ACACB: variants seen among roughly 807,000 people sequenced by gnomAD.
ACACB encodes the protein acetyl-CoA carboxylase beta.
Under a neutral mutation model 278.8 loss-of-function variants are expected in ACACB, and 209 were observed. The ratio of observed to expected loss-of-function variants is 0.75; its 90% confidence interval spans 0.67 to 0.84. The LOEUF (loss-of-function observed/expected upper bound fraction) is 0.84, where lower values mean the gene tolerates loss of function less well. Ranked by LOEUF, ACACB falls within the 40% of genes least tolerant of loss-of-function variation. The probability of loss-of-function intolerance (pLI) is 0.00; values close to 1 mark genes in which losing one functional copy is unlikely to be tolerated. For synonymous variants in ACACB, 1,174 were observed against 1,285.6 expected (o/e 0.91, Z 1.86); for missense variants, 2,850 against 3,269.0 (o/e 0.87, Z 3.13).
chr12:109,218,135 A>G (rs1418925878), intron 24 of ACACB, among the ~76,000 whole-genome samples: 2 of 152,200 alleles, frequency 1.3e-5, no homozygotes, highest in Non-Finnish European at 2.9e-5. Flanking sequence ...CTGTGTGTGG[A>G]GAAGAAGAAA....
chr12:109,113,044 C>T (rs1470122361), upstream of ACACB: 1 of 152,094 alleles, frequency 6.6e-6, no homozygotes, highest in African/African-American at 2.4e-5. Context: ...TCATGTGTCA[C>T]GAAATCTTTT....
At chr12:109,207,960 G>A (rs2045570491) in intron 20 of ACACB, among the ~76,000 whole-genome samples, 1 of 151,892 alleles carries the variant, frequency 6.6e-6, no homozygotes, top group Non-Finnish European at 1.5e-5. Flanking sequence ...GATTACAGGC[G>A]TGAGCCACCG....
At chr12:109,209,871 A>G (rs1273913135) in intron 21 of ACACB, among the ~76,000 whole-genome samples, 4 of 136,526 alleles carry the variant, frequency 2.9e-5, no homozygotes, top group Non-Finnish European at 6.4e-5. Context: ...ATACACACAT[A>G]CACACACGTG....
chr12:109,244,363 T>C (rs115600054), intron 37 of ACACB, among the ~76,000 whole-genome samples: 1,990 of 152,220 alleles, frequency 0.013, 52 homozygotes, highest in African/African-American at 0.046. Flanking sequence ...TTCCTTCACC[T>C]CTCTGGGCCT....
rs1001036114 is a variant in ACACB, at chr12:109,146,020, T to C, written c.653+5962T>C. On this transcript the variant is annotated intron_variant, in intron 2 of 52. Transcript: ENST00000338432. The stretch of plus-strand genomic sequence containing the variant: ...TGAGACTCTGACTCGAAAAAAAAAT[T>C]ATTATTATTTTTTCTTGATAAGTTG... Among the ~76,000 whole-genome samples, 207 of 147,996 alleles carry C rather than the reference T, an allele frequency of 1.4e-3. 1 individual carries two copies. Among genetic ancestry groups the C allele is most frequent in the Non-Finnish European group, 2.9e-4 (20 of 67,940 alleles).
chr12:109,195,460 T>C (rs1050456704), intron 16 of ACACB, among the ~76,000 whole-genome samples: 3 of 152,194 alleles, frequency 2.0e-5, no homozygotes, highest in African/African-American at 7.2e-5. Flanking sequence ...TGGCTACCTT[T>C]GGGGACCTAG....
At chr12:109,172,444 T>A in intron 6 of ACACB, 88 bp downstream of exon 6, 1 of 1,257,918 alleles carries the variant, frequency 7.9e-7, no homozygotes, top group Non-Finnish European at 1.1e-6. Flanking sequence ...TCCTGTCCTG[T>A]AAAGCGGAGG....
intron 28 of ACACB, among the ~76,000 whole-genome samples, chr12:109,232,185 T>C (rs1186046001): frequency 6.6e-6 from 1 of 152,218 alleles, no homozygotes; most frequent in East Asian, 1.9e-4. Context: ...GAGCAGCCAG[T>C]TCTGGGAGCA....
intron 21 of ACACB, among the ~76,000 whole-genome samples, chr12:109,212,089 A>G (rs1367711907): frequency 2.0e-5 from 3 of 152,136 alleles, no homozygotes; most frequent in Admixed American, 6.6e-5. Flanking sequence ...GCACTCCTCC[A>G]TGTGATCGCT....
intron 2 of ACACB, among the ~76,000 whole-genome samples, chr12:109,142,785 T>C (rs530021440): frequency 6.6e-6 from 1 of 152,284 alleles, no homozygotes; most frequent in African/African-American, 2.4e-5. Context: ...CAGTCTGGTC[T>C]TGAACTCCTG....
intron 12 of ACACB, 119 bp downstream of exon 12, chr12:109,185,859 G>T: frequency 2.0e-6 from 2 of 995,718 alleles, no homozygotes; most frequent in Non-Finnish European, 2.8e-6. Context: ...GTTTACAAAT[G>T]GGGAAACTGA....
chr12:109,170,908 C>T (rs574905615), intron 4 of ACACB, among the ~76,000 whole-genome samples: 1 of 151,944 alleles, frequency 6.6e-6, no homozygotes, highest in African/African-American at 2.4e-5. Flanking sequence ...ATGATCACGA[C>T]TCATTGTAGC....
intron 1 of ACACB, among the ~76,000 whole-genome samples, chr12:109,126,824 G>A (rs2042691872): frequency 6.6e-6 from 1 of 152,202 alleles, no homozygotes; most frequent in Non-Finnish European, 1.5e-5. Context: ...GAGGGCCCTG[G>A]GAGACTCAAT....
chr12:109,224,094 A>G (rs2046251754), intron 27 of ACACB, among the ~76,000 whole-genome samples, 190 bp downstream of exon 27: 1 of 152,164 alleles, frequency 6.6e-6, no homozygotes, highest in Admixed American at 6.5e-5. Flanking sequence ...CAAGTGACTT[A>G]TGCAACGTCA....
chr12:109,145,775 C>T (rs917663911), intron 2 of ACACB, among the ~76,000 whole-genome samples: 1 of 151,216 alleles, frequency 6.6e-6, no homozygotes, highest in African/African-American at 2.4e-5. Context: ...CCGAGGGGGG[C>T]GGATCACAAG....
chr12:109,251,839 C>T (rs571390765), intron 41 of ACACB, among the ~76,000 whole-genome samples: 1 of 152,138 alleles, frequency 6.6e-6, no homozygotes, highest in African/African-American at 2.4e-5. Flanking sequence ...CTTTGTTAAC[C>T]ATGTTATTTC....
chr12:109,122,874 C>T (rs1480793544), intron 1 of ACACB, among the ~76,000 whole-genome samples: 2 of 151,836 alleles, frequency 1.3e-5, no homozygotes, highest in Non-Finnish European at 2.9e-5. Context: ...ATATTATTCC[C>T]CCAACATTTT....
At chr12:109,114,305 C>A (rs557848404), upstream of ACACB, among the ~76,000 whole-genome samples, 1 of 152,026 alleles carries the variant, frequency 6.6e-6, no homozygotes, top group Non-Finnish European at 1.5e-5. Context: ...ATAGCATGTT[C>A]TTTTGTCTCT....
intron 21 of ACACB, among the ~76,000 whole-genome samples, chr12:109,209,668 G>A (rs1183293652): frequency 6.6e-6 from 1 of 151,876 alleles, no homozygotes; most frequent in Non-Finnish European, 1.5e-5. Flanking sequence ...GACATCATTA[G>A]AGGAAACTGC....
Sources: allele counts gnomAD v4.1 joint callset (sites outside exome capture counted in the v4.1 genomes callset), GRCh38; gene constraint gnomAD v4.1.1; transcripts MANE v1.5; gene names NCBI Gene and HGNC (gene_info 2026-07-23, HGNC 2026-07-21).